Variants in MYRIP observed in about 807,000 individuals in gnomAD.
MYRIP encodes rab effector MyRIP.
In MYRIP, 49 loss-of-function variants were observed where a neutral mutation model predicts 98.0. That is an observed-to-expected ratio of 0.50 (90% CI 0.40 to 0.63). MYRIP has a LOEUF of 0.63. Among genes scored for constraint, MYRIP ranks in the 30% least tolerant of loss-of-function variants. MYRIP has a pLI of 0.00. For synonymous variants in MYRIP, 404 were observed against 409.5 expected, an observed-to-expected ratio of 0.99 and a Z score of 0.16; for missense variants, 1,004 against 1,058.2, an observed-to-expected ratio of 0.95 and a Z score of 0.71.
intron 12 of MYRIP, among the ~76,000 whole-genome samples, chr3:40,239,004 CCACT>C (rs1029577309): frequency 6.6e-6 from 1 of 150,928 alleles, no homozygotes; most frequent in Admixed American, 6.6e-5. Context: ...TGCGCTGCAC[CCACT>C]AACTCGTCAT....
intron 1 of MYRIP, among the ~76,000 whole-genome samples, chr3:39,875,615 G>A (rs1252583029): frequency 6.6e-6 from 1 of 151,252 alleles, no homozygotes; most frequent in African/African-American, 2.4e-5. Flanking sequence ...AGTCATTCAG[G>A]AGCAGGTTGT....
At chr3:40,253,872 G>A (rs1953478692) in intron 16 of MYRIP, among the ~76,000 whole-genome samples, 1 of 152,170 alleles carries the variant, frequency 6.6e-6, no homozygotes, top group Non-Finnish European at 1.5e-5. Context: ...TAGCTCCTTG[G>A]AGGAAGCAGG....
intron 8 of MYRIP, 61 bp downstream of exon 8, chr3:40,170,154 A>G: frequency 1.3e-6 from 2 of 1,580,054 alleles, no homozygotes; most frequent in Non-Finnish European, 1.7e-6. Flanking sequence ...CACACATTTA[A>G]CCCTCTGTAG....
intron 2 of MYRIP, among the ~76,000 whole-genome samples, chr3:39,967,156 C>A (rs1343118417): frequency 6.6e-6 from 1 of 152,120 alleles, no homozygotes; most frequent in African/African-American, 2.4e-5. Context: ...GAAAGTTTGT[C>A]ATGGGAGTTT....
At chr3:40,127,921 C>T (rs553122098) in intron 3 of MYRIP, among the ~76,000 whole-genome samples, 2 of 152,354 alleles carry the variant, frequency 1.3e-5, no homozygotes, top group African/African-American at 4.8e-5. Flanking sequence ...CCTCTCTGTT[C>T]ATAGCCTCTG....
chr3:39,859,361 A>T (rs1942395070), intron 1 of MYRIP, among the ~76,000 whole-genome samples: 1 of 152,174 alleles, frequency 6.6e-6, no homozygotes, highest in South Asian at 2.1e-4. Context: ...CCAATAATGA[A>T]TAAGGAGATT....
At chr3:39,810,928 T>C (rs564129965) in intron 1 of MYRIP, among the ~76,000 whole-genome samples, 6 of 152,314 alleles carry the variant, frequency 3.9e-5, no homozygotes, top group African/African-American at 1.4e-4. Context: ...TGGCTTCATT[T>C]CCATGCTCTC....
rs1420163023 is a variant in MYRIP at position 40,135,175 on chromosome 3, G to C, written c.333-15873G>C. On this transcript the variant is annotated intron_variant, in intron 3 of 16. Coordinates refer to ENST00000302541, the MANE Select transcript of MYRIP (RefSeq NM_015460.4). ...ATAGATAACTAGAATAACCAATGCA[G>C]AGAAGTCCTTAAAGGACCTGATGGA... Among the ~76,000 whole-genome samples, 4 of 152,276 alleles carry C rather than the reference G, an allele frequency of 2.6e-5. No homozygotes were observed. In the East Asian group the frequency reaches 5.8e-4, roughly 22 times the overall value.
At chr3:40,245,280 T>A (rs1953154358) in intron 13 of MYRIP, among the ~76,000 whole-genome samples, 1 of 152,220 alleles carries the variant, frequency 6.6e-6, no homozygotes, top group Admixed American at 6.5e-5. Flanking sequence ...AAATTGACCA[T>A]GGATTAAGCC....
chr3:39,934,018 T>C (rs1395175712), intron 2 of MYRIP, among the ~76,000 whole-genome samples: 1 of 152,204 alleles, frequency 6.6e-6, no homozygotes, highest in Non-Finnish European at 1.5e-5. Context: ...TTTAGACCTG[T>C]TGAATCAGAA....
At chr3:40,009,427 G>A (rs962674282) in intron 2 of MYRIP, among the ~76,000 whole-genome samples, 6 of 152,146 alleles carry the variant, frequency 3.9e-5, no homozygotes, top group Admixed American at 6.5e-5. Context: ...TAGTGGAGAC[G>A]GGGTTTCACT....
intron 2 of MYRIP, among the ~76,000 whole-genome samples, chr3:40,025,854 C>T (rs1362935852): frequency 6.6e-6 from 1 of 152,116 alleles, no homozygotes; most frequent in East Asian, 1.9e-4. Flanking sequence ...AGATCACATG[C>T]TTCTGAGGAA....
intron 3 of MYRIP, among the ~76,000 whole-genome samples, chr3:40,082,129 C>A (rs756168868): frequency 6.6e-6 from 1 of 151,992 alleles, no homozygotes; most frequent in Non-Finnish European, 1.5e-5. Flanking sequence ...GAAAGAGAAC[C>A]CTTGTACACT....
chr3:39,865,060 C>T (rs188891178), intron 1 of MYRIP, among the ~76,000 whole-genome samples: 4 of 152,204 alleles, frequency 2.6e-5, no homozygotes, highest in Admixed American at 2.6e-4. Flanking sequence ...AGAAAGAACT[C>T]CCTATTCAAT....
At chr3:39,949,055 G>A (rs1575405290) in intron 2 of MYRIP, among the ~76,000 whole-genome samples, 1 of 152,124 alleles carries the variant, frequency 6.6e-6, no homozygotes, top group Non-Finnish European at 1.5e-5. Flanking sequence ...CATGAAGGAA[G>A]CATGTCAAGA....
chr3:40,052,046 C>A (rs1225096062), intron 3 of MYRIP, among the ~76,000 whole-genome samples: 1 of 152,060 alleles, frequency 6.6e-6, no homozygotes, highest in East Asian at 1.9e-4. Context: ...TGTTACAATT[C>A]TTTTCTTCCA....
chr3:40,032,962 C>T (rs1004221902), intron 2 of MYRIP, among the ~76,000 whole-genome samples: 2 of 151,762 alleles, frequency 1.3e-5, no homozygotes, highest in Admixed American at 6.6e-5. Flanking sequence ...GAACCAAAGA[C>T]AAAAACCACA....
chr3:39,906,951 G>A (rs965696337), intron 2 of MYRIP, among the ~76,000 whole-genome samples: 1 of 152,208 alleles, frequency 6.6e-6, no homozygotes, highest in Non-Finnish European at 1.5e-5. Flanking sequence ...GGTTCAGTGT[G>A]ATTAGGGGTG....
rs1464148019 is a variant in MYRIP at position 40,167,369 on chromosome 3, C to T, written c.729+130C>T. On this transcript the variant is annotated intron_variant, in intron 7 of 16. Transcript: ENST00000302541. ...ATCTTCTGTGCCTTCTCACTTTAGA[C>T]TTTTGTGCCCTGGGGACCCATGCAG... 16 of 835,994 alleles carry T rather than the reference C, an allele frequency of 1.9e-5. 1 individual carries two copies. The highest frequency in any genetic ancestry group is 3.3e-4 in the Middle Eastern group (1 of 3,000). 51.8% of individuals were successfully genotyped at this position (835,994 alleles called of 1,614,324 possible). A position where few individuals can be genotyped will look rare whatever the true frequency, so the allele number is the denominator to read the frequency against.
Sources: gnomAD v4.1 joint callset for allele counts (sites outside exome capture counted in the v4.1 genomes callset) on GRCh38, gnomAD v4.1.1 for gene constraint, MANE v1.5 for transcripts, NCBI Gene and HGNC (gene_info 2026-07-23, HGNC 2026-07-21) for gene names.